Variants in C5AR1 observed in about 807,000 individuals in gnomAD.
The protein encoded by C5AR1 is C5a anaphylatoxin chemotactic receptor 1.
Under a neutral mutation model 2.4 loss-of-function variants are expected in C5AR1, and 4 were observed. The ratio of observed to expected loss-of-function variants is 1.65; its 90% CI spans 0.81 to 3.77. C5AR1 has a LOEUF of 3.77. Ranked by LOEUF, C5AR1 falls within the 30% of genes most tolerant of loss-of-function variation. The pLI is 0.01. For synonymous variants in C5AR1, 209 were observed against 210.4 expected (o/e 0.99, Z 0.06); for missense variants, 418 against 462.5 (o/e 0.90, Z 0.88).
In C5AR1 at chr19:47,320,779, A is replaced by G. The variant is rs1232220176; in HGVS notation, c.1002A>G (p.Ser334=). Residue 334 remains serine, a synonymous_variant, in exon 2 of 2, where the codon TCA becomes TCG. Transcript: ENST00000355085. This position sits in a 1 kb window ranked among gnomAD's most constrained non-coding sequence, Gnocchi z 4.9. ...TEESVVRESK[S]FTRSTVDTMA... ...AGTCCGTGGTTAGGGAGAGCAAGTC[A>G]TTCACGCGCTCCACAGTGGACACTA... 2 of 1,614,018 alleles carry G rather than the reference A, an allele frequency of 1.2e-6. No individual in the cohort carries two copies. Among genetic ancestry groups the G allele is most frequent in the Non-Finnish European group, 1.7e-6 (2 of 1,180,002 alleles).
intron 1 of C5AR1, among the ~76,000 whole-genome samples, chr19:47,312,090 T>C (rs2059272887): frequency 1.3e-5 from 2 of 152,138 alleles, no homozygotes; most frequent in Non-Finnish European, 2.9e-5. Context: ...TGTCTCCTTA[T>C]CTTTTTGTTT....
At position 47,319,768 on chromosome 19, in the gene C5AR1, C is replaced by T. The variant is rs200037309; in HGVS notation, c.4-13C>T. 1.3e-4 allele frequency: 207 copies of T among 1,551,108 alleles called. No homozygotes were observed. The Admixed American group carries it at 2.0e-3, about 15-fold the overall frequency. ...GCAGACTCATCCTCTCTGCTCTCTCCGATTCCCCTTAGGACTCCTTCAATT... is the reference window on the plus strand; with the variant it reads ...GCAGACTCATCCTCTCTGCTCTCTCTGATTCCCCTTAGGACTCCTTCAATT... On this transcript the variant is annotated splice_polypyrimidine_tract_variant and intron_variant, in intron 1 of 1. Transcript: ENST00000355085.
intron 1 of C5AR1, among the ~76,000 whole-genome samples, chr19:47,318,881 ATTTTT>A (rs34790165): frequency 3.9e-4 from 39 of 99,368 alleles, no homozygotes; most frequent in Middle Eastern, 7.1e-3. Flanking sequence ...TTTTTGTTCT[ATTTTT>A]TTTTTTTTTT....
At chr19:47,312,782 C>T (rs1414374234) in intron 1 of C5AR1, among the ~76,000 whole-genome samples, 1 of 152,092 alleles carries the variant, frequency 6.6e-6, no homozygotes, top group East Asian at 1.9e-4. Context: ...AGGTCTTCCA[C>T]CTCAGCCTCC....
intron 1 of C5AR1, among the ~76,000 whole-genome samples, chr19:47,310,859 A>G (rs942579125): frequency 6.6e-6 from 1 of 152,148 alleles, no homozygotes; most frequent in Admixed American, 6.6e-5. Flanking sequence ...GCAGAGATGG[A>G]TGGGGACCCT....
chr19:47,312,915 A>G (rs750587581), intron 1 of C5AR1, among the ~76,000 whole-genome samples: 12 of 152,000 alleles, frequency 7.9e-5, no homozygotes, highest in Non-Finnish European at 1.6e-4. Flanking sequence ...CAGCTGAGTA[A>G]TATGCTAGTA....
intron 1 of C5AR1, among the ~76,000 whole-genome samples, chr19:47,311,171 T>C (rs1320178732): frequency 2.0e-5 from 3 of 152,076 alleles, no homozygotes; most frequent in African/African-American, 7.2e-5. Flanking sequence ...CTTCTTTTTT[T>C]TTTTCTTTCC....
chr19:47,319,179 G>A (rs978316805), intron 1 of C5AR1, among the ~76,000 whole-genome samples: 3 of 151,176 alleles, frequency 2.0e-5, no homozygotes, highest in Non-Finnish European at 3.0e-5. Context: ...CACCGTGCCC[G>A]GCCAGTAGGG....
At chr19:47,318,270 A>C (rs1599731399) in intron 1 of C5AR1, among the ~76,000 whole-genome samples, 1 of 150,636 alleles carries the variant, frequency 6.6e-6, no homozygotes, top group Admixed American at 6.6e-5. Context: ...GTGCTTCTTC[A>C]TCAGCGAAAT....
chr19:47,309,878 A>T lies in C5AR1; in HGVS notation c.-18A>T, dbSNP rs1299093149. 1.2e-6 allele frequency: 2 copies of T among 1,612,222 alleles called. No homozygotes were observed. The highest frequency in any genetic ancestry group is 2.2e-5 in the South Asian group (2 of 90,922). ...CAGGAGGGACCTTCGATCCTCGGGGAGCCCAGGAGACCAGAACATGGTGAG... is the reference window on the plus strand; with the variant it reads ...CAGGAGGGACCTTCGATCCTCGGGGTGCCCAGGAGACCAGAACATGGTGAG... On this transcript the variant is annotated 5_prime_UTR_variant, in exon 1 of 2. Transcript: ENST00000355085.
intron 1 of C5AR1, among the ~76,000 whole-genome samples, chr19:47,314,763 G>A (rs991170413): frequency 1.3e-5 from 2 of 152,050 alleles, no homozygotes; most frequent in South Asian, 2.1e-4. Context: ...GCACGATCTC[G>A]GCTCACTACA....
rs778742891 is a variant in C5AR1, at chr19:47,320,752, A to G, written c.975A>G (p.Glu325=). 9.9e-6 allele frequency: 16 copies of G among 1,613,978 alleles called. No individual in the cohort carries two copies. The Admixed American group carries it at 1.0e-4, about 10-fold the overall frequency. ...LPSLLRNVLT[E]ESVVRESKSF... ...GCCTCCTCCGGAACGTGTTGACTGA[A>G]GAGTCCGTGGTTAGGGAGAGCAAGT... Residue 325 remains glutamate (E), a synonymous_variant, in exon 2 of 2, where the codon GAA becomes GAG. Transcript: ENST00000355085. The surrounding 1 kb of genome is among the most constrained non-coding windows in gnomAD (Gnocchi z 4.9).
At chr19:47,312,432 A>G (rs565972318) in intron 1 of C5AR1, among the ~76,000 whole-genome samples, 2 of 152,312 alleles carry the variant, frequency 1.3e-5, no homozygotes, top group Admixed American at 1.3e-4. Context: ...AATCTACATC[A>G]TAGGCTAGTT....
intron 1 of C5AR1, among the ~76,000 whole-genome samples, chr19:47,317,523 T>C (rs997382399): frequency 2.0e-5 from 2 of 102,280 alleles, no homozygotes; most frequent in Admixed American, 1.8e-4. Context: ...AAAAAAAATA[T>C]ATATATATAT....
Position 47,320,338 on chromosome 19 carries a change from G to T in C5AR1, c.561G>T (p.Leu187Phe). Residue 187 changes from leucine to phenylalanine, a missense_variant, in exon 2 of 2, where the codon TTG becomes TTT. Leu to Phe is a conservative substitution (Grantham distance 22, BLOSUM62 0). Coordinates refer to ENST00000355085, the MANE Select transcript of C5AR1 (RefSeq NM_001736.4). The surrounding 1 kb of genome is among the most constrained non-coding windows in gnomAD (Gnocchi z 4.9). ...AGGAGTACTTTCCACCAAAGGTGTT[G>T]TGTGGCGTGGACTACAGCCACGACA... ...VREEYFPPKVLCGVDYSHDKR... is the reference protein window; with the variant it reads ...VREEYFPPKVFCGVDYSHDKR... 3 of 1,609,878 alleles carry T rather than the reference G, an allele frequency of 1.9e-6. No individual in the cohort carries two copies. The highest frequency in any genetic ancestry group is 2.5e-6 in the Non-Finnish European group (3 of 1,180,008).
rs562598650 is a variant in C5AR1 at position 47,316,209 on chromosome 19, T to C, written c.4-3572T>C. 5.9e-5 allele frequency among the ~76,000 whole-genome samples: 9 copies of C among 152,170 alleles called. No homozygotes were observed. In the East Asian group the frequency reaches 1.4e-3, roughly 23 times the overall value. On this transcript the variant is annotated intron_variant, in intron 1 of 1. Coordinates refer to ENST00000355085, the MANE Select transcript of C5AR1 (RefSeq NM_001736.4). ...TTTTAGTGGAGATGGGGTTTCACTA[T>C]GTTGGCCAGGCTGGTCTTGATCTTC... is the stretch of plus-strand genomic sequence containing the variant.
At chr19:47,317,519 A>AAT (rs35436641) in intron 1 of C5AR1, among the ~76,000 whole-genome samples, 14,283 of 133,054 alleles carry the variant, frequency 0.11, 1,055 homozygotes, top group East Asian at 0.28. Flanking sequence ...AAAAAAAAAA[A>AAT]ATATATATAT....
intron 1 of C5AR1, among the ~76,000 whole-genome samples, chr19:47,310,335 A>C (rs1404763972): frequency 6.6e-6 from 1 of 150,966 alleles, no homozygotes; most frequent in Non-Finnish European, 1.5e-5. Context: ...ACATAGTGAG[A>C]CCCTGTCTGT....
At chr19:47,312,599 C>T (rs1218760482) in intron 1 of C5AR1, among the ~76,000 whole-genome samples, 1 of 152,140 alleles carries the variant, frequency 6.6e-6, no homozygotes, top group Non-Finnish European at 1.5e-5. Flanking sequence ...AAATGAATAA[C>T]ATATAGTATT....
Sources: allele counts gnomAD v4.1 joint callset (sites outside exome capture counted in the v4.1 genomes callset), GRCh38; gene constraint gnomAD v4.1.1; non-coding constraint Gnocchi (gnomAD v3.1); transcripts MANE v1.5; gene names NCBI Gene and HGNC (gene_info 2026-07-23, HGNC 2026-07-21).